Variants in RANBP3L observed in about 807,000 individuals in gnomAD.
RANBP3L encodes the protein RAN binding protein 3 like.
Under a neutral mutation model 67.2 loss-of-function variants are expected in RANBP3L, and 56 were observed. The ratio of observed to expected loss-of-function variants is 0.83; its 90% CI spans 0.67 to 1.04. RANBP3L has a LOEUF of 1.04. RANBP3L is among the 50% of genes least tolerant of loss of function. RANBP3L has a pLI of 0.00. For synonymous variants in RANBP3L, 164 were observed against 181.4 expected, an observed-to-expected ratio of 0.90 and a Z score of 0.77; for missense variants, 496 against 535.5, an observed-to-expected ratio of 0.93 and a Z score of 0.73.
chr5:36,271,670 A>G (rs1239861724), intron 1 of RANBP3L, among the ~76,000 whole-genome samples: 1 of 152,318 alleles, frequency 6.6e-6, no homozygotes, highest in African/African-American at 2.4e-5. Context: ...AATGAGTGAA[A>G]AATCTAATCT....
chr5:36,298,066 C>T (rs1221608055), intron 1 of RANBP3L, among the ~76,000 whole-genome samples: 4 of 151,688 alleles, frequency 2.6e-5, no homozygotes, highest in South Asian at 2.1e-4. Flanking sequence ...TTTGGGAGGC[C>T]GAGGTGGGAA....
At chr5:36,251,581 TAAGG>T in intron 12 of RANBP3L, 82 bp from the exon 13 acceptor site, 3 of 1,098,184 alleles carry the variant, frequency 2.7e-6, no homozygotes, top group Non-Finnish European at 3.9e-6. Flanking sequence ...TCACTACTAA[TAAGG>T]AAGGAATTAC....
At chr5:36,264,226 T>C (rs1158181354) in intron 6 of RANBP3L, among the ~76,000 whole-genome samples, 2 of 152,248 alleles carry the variant, frequency 1.3e-5, no homozygotes, top group East Asian at 1.9e-4. Context: ...AGCGAAACTA[T>C]GTGACCAATC....
At chr5:36,277,946 G>T (rs1292344614) in intron 1 of RANBP3L, among the ~76,000 whole-genome samples, 3 of 152,004 alleles carry the variant, frequency 2.0e-5, no homozygotes, top group Non-Finnish European at 4.4e-5. Context: ...AAGCAAAGGG[G>T]GTTTCCCTTT....
intron 12 of RANBP3L, among the ~76,000 whole-genome samples, chr5:36,252,790 T>G (rs1748687940): frequency 6.6e-6 from 1 of 152,060 alleles, no homozygotes; most frequent in Admixed American, 6.6e-5. Context: ...ACGGGGTTTG[T>G]ACATCATCTT....
intron 1 of RANBP3L, among the ~76,000 whole-genome samples, chr5:36,282,939 G>A (rs1356375062): frequency 6.6e-6 from 1 of 152,218 alleles, no homozygotes; most frequent in Non-Finnish European, 1.5e-5. Flanking sequence ...ATCAGAACTA[G>A]TTTGGAGGAA....
At chr5:36,272,161 C>G (rs544334970) in intron 1 of RANBP3L, among the ~76,000 whole-genome samples, 1 of 152,024 alleles carries the variant, frequency 6.6e-6, no homozygotes, top group Non-Finnish European at 1.5e-5. Flanking sequence ...CAGTACTTAC[C>G]TCATAGAGTT....
At chr5:36,257,698 G>C (rs913640158) in intron 8 of RANBP3L, 142 bp from the exon 9 acceptor site, 4 of 457,670 alleles carry the variant, frequency 8.7e-6, no homozygotes, top group Admixed American at 3.8e-5. Context: ...TGGACTTTCT[G>C]TGTGCTGAAC....
chr5:36,270,024 G>A, intron 2 of RANBP3L, 34 bp from the exon 3 acceptor site: 2 of 1,596,018 alleles, frequency 1.3e-6, no homozygotes, highest in Admixed American at 1.7e-5. Context: ...GGAGAGCTGA[G>A]TATTTGCCTT....
At chr5:36,299,822 T>C (rs1309876735) in intron 1 of RANBP3L, among the ~76,000 whole-genome samples, 2 of 152,206 alleles carry the variant, frequency 1.3e-5, no homozygotes, top group African/African-American at 4.8e-5. Flanking sequence ...TTTAATGACC[T>C]GGAAATTTGT....
intron 1 of RANBP3L, among the ~76,000 whole-genome samples, chr5:36,277,966 C>T (rs918026378): frequency 6.6e-6 from 1 of 152,052 alleles, no homozygotes; most frequent in Non-Finnish European, 1.5e-5. Flanking sequence ...TATAAAACCA[C>T]CAGATCTCGT....
intron 1 of RANBP3L, among the ~76,000 whole-genome samples, chr5:36,274,743 A>T (rs763078360): frequency 2.6e-5 from 4 of 151,682 alleles, no homozygotes; most frequent in Non-Finnish European, 5.9e-5. Context: ...TTTAAAGATC[A>T]CCCCTCCCGC....
At position 36,265,068 on chromosome 5, in the gene RANBP3L, C is replaced by G. The variant is rs747038144; in HGVS notation, c.371G>C (p.Arg124Thr). 6.2e-7 allele frequency: 1 copy of G among 1,609,926 alleles called. No homozygotes were observed. Among genetic ancestry groups the G allele is most frequent in the Non-Finnish European group, 8.5e-7 (1 of 1,176,636 alleles). ...TTGAGGTAGCTGCAAAATAGCAGGT[C>G]TAATAACATGTTTAGAATGTTTCAC... ...GPVKHSKHVI[R>T]PAILQLPQAR... The change falls in exon 6 of 14, where the codon AGA (arginine) becomes ACA (threonine). Residue 124 changes from arginine to threonine, a missense_variant. Coordinates refer to ENST00000296604, the MANE Select transcript of RANBP3L (RefSeq NM_145000.5).
intron 1 of RANBP3L, among the ~76,000 whole-genome samples, chr5:36,284,150 A>G (rs1454315261): frequency 6.6e-6 from 1 of 152,122 alleles, no homozygotes; most frequent in Admixed American, 6.5e-5. Context: ...CTCCTTCTGA[A>G]TCAACTCACA....
rs1016544373 is a variant in RANBP3L, at chr5:36,247,300, T to C, written c.*2354A>G. ...AATAATGGAGTGTATAGAAAATGGG[T>C]TGAAAGAGTTGTGAGCTAAATATCA... On this transcript the variant is annotated 3_prime_UTR_variant, in exon 14 of 14. Coordinates refer to ENST00000296604, the MANE Select transcript of RANBP3L (RefSeq NM_145000.5). 3.3e-5 allele frequency among the ~76,000 whole-genome samples: 5 copies of C among 152,314 alleles called. No homozygotes were observed. Among genetic ancestry groups the C allele is most frequent in the African/African-American group, 1.2e-4 (5 of 41,572 alleles).
intron 1 of RANBP3L, among the ~76,000 whole-genome samples, chr5:36,297,905 A>T (rs1040341947): frequency 1.3e-5 from 2 of 152,326 alleles, no homozygotes; most frequent in African/African-American, 2.4e-5. Context: ...CTGAAGAATA[A>T]GTGATTTTTA....
intron 1 of RANBP3L, among the ~76,000 whole-genome samples, chr5:36,272,267 C>T (rs1750271256): frequency 6.6e-6 from 1 of 152,144 alleles, no homozygotes; most frequent in African/African-American, 2.4e-5. Flanking sequence ...TTCCACCAAT[C>T]CCCATTCTAA....
Position 36,255,588 on chromosome 5 carries a change from T to TATC in RANBP3L, c.904-1_905dup (p.Lys301_Ile302insMet). On this transcript the variant is annotated inframe_insertion and splice_region_variant, in exon 11 of 14. Coordinates refer to ENST00000296604, the MANE Select transcript of RANBP3L (RefSeq NM_145000.5). ...TGTTGAATATGAAAAGCTTGCAGTT[T>TATC]ATCTAAATGACAATTTTTTAAAATG... The TATC allele has an allele frequency of 5.0e-6, 8 of 1,596,550 alleles. No homozygotes were observed. The highest frequency in any genetic ancestry group is 6.8e-6 in the Non-Finnish European group (8 of 1,173,038).
rs563121635 is a variant in RANBP3L at position 36,248,588 on chromosome 5, G to C, written c.*1066C>G. 6.6e-6 allele frequency: 1 copy of C among 152,048 alleles called. No individual in the cohort carries two copies. Among genetic ancestry groups the C allele is most frequent in the Non-Finnish European group, 1.5e-5 (1 of 68,000 alleles). 9.4% of individuals were successfully genotyped at this position (152,048 alleles called of 1,614,324 possible). A position where few individuals can be genotyped will look rare whatever the true frequency, so the allele number is the denominator to read the frequency against. On this transcript the variant is annotated 3_prime_UTR_variant, in exon 14 of 14. Transcript: ENST00000296604. ...ATTACGCCCTCATTCCAAATATGTT[G>C]TCATTGTTCAGAACATTTTCAGAAA...
Sources: gnomAD v4.1 joint callset for allele counts (sites outside exome capture counted in the v4.1 genomes callset) on GRCh38, gnomAD v4.1.1 for gene constraint, MANE v1.5 for transcripts, NCBI Gene and HGNC (gene_info 2026-07-23, HGNC 2026-07-21) for gene names.